NRG3: variants seen among roughly 807,000 people sequenced by gnomAD.
NRG3 encodes the protein pro-neuregulin-3, membrane-bound isoform.
NRG3 carries 31 observed loss-of-function variants against 66.9 expected under a neutral mutation model. The observed-to-expected ratio is 0.46, with a 90% CI of 0.35 to 0.63. The LOEUF (loss-of-function observed/expected upper bound fraction) is 0.63. Among genes scored for constraint, NRG3 ranks in the 20% least tolerant of loss-of-function variants. The probability of loss-of-function intolerance (pLI) is 0.00; values close to 1 mark genes in which losing one functional copy is unlikely to be tolerated. For missense variants in NRG3, 910 were observed against 878.9 expected (o/e 1.04, Z -0.45); for synonymous variants, 393 against 359.4 (o/e 1.09, Z -1.06).
intron 1 of NRG3, among the ~76,000 whole-genome samples, chr10:82,085,931 C>T (rs1439637104): frequency 6.6e-6 from 1 of 152,128 alleles, no homozygotes; most frequent in African/African-American, 2.4e-5. Context: ...AGCCACCGCT[C>T]CTGACCATCC....
intron 4 of NRG3, among the ~76,000 whole-genome samples, chr10:82,884,274 A>G (rs1842546957): frequency 6.6e-6 from 1 of 152,136 alleles, no homozygotes; most frequent in East Asian, 1.9e-4. Flanking sequence ...AGCAACTTCT[A>G]CTTATATATT....
intron 2 of NRG3, among the ~76,000 whole-genome samples, chr10:82,499,842 C>T (rs1406073004): frequency 6.6e-6 from 1 of 152,090 alleles, no homozygotes; most frequent in East Asian, 1.9e-4. Context: ...AATTCTCACT[C>T]CACGGTGTAC....
At chr10:82,685,405 C>A (rs76651573) in intron 2 of NRG3, among the ~76,000 whole-genome samples, 14 of 152,128 alleles carry the variant, frequency 9.2e-5, no homozygotes, top group Admixed American at 3.9e-4. Context: ...TCAGTAAAAA[C>A]GAACTAAGTA....
intron 4 of NRG3, among the ~76,000 whole-genome samples, chr10:82,910,255 A>C (rs536128481): frequency 3.3e-5 from 5 of 152,246 alleles, no homozygotes; most frequent in Non-Finnish European, 2.9e-5. Flanking sequence ...TGCCAATGTC[A>C]TCACTGCTGA....
intron 2 of NRG3, among the ~76,000 whole-genome samples, chr10:82,495,642 C>T (rs1843557892): frequency 6.6e-6 from 1 of 152,082 alleles, no homozygotes; most frequent in Non-Finnish European, 1.5e-5. Flanking sequence ...AAAGGGTCTT[C>T]TTTACAAAAT....
intron 1 of NRG3, among the ~76,000 whole-genome samples, chr10:82,238,272 T>C (rs2076847717): frequency 6.6e-6 from 1 of 151,978 alleles, no homozygotes; most frequent in African/African-American, 2.4e-5. Flanking sequence ...TCAATAAGTA[T>C]AGCAATCCTA....
chr10:82,293,519 G>A (rs1276877039), intron 1 of NRG3, among the ~76,000 whole-genome samples: 1 of 152,038 alleles, frequency 6.6e-6, no homozygotes, highest in East Asian at 1.9e-4. Flanking sequence ...TTTCTCTGAG[G>A]CATTAAATTT....
chr10:82,670,070 A>T (rs2053142797), intron 2 of NRG3, among the ~76,000 whole-genome samples: 1 of 152,192 alleles, frequency 6.6e-6, no homozygotes, highest in African/African-American at 2.4e-5. Flanking sequence ...AAAATTAATA[A>T]CTTTATTTCT....
At chr10:82,821,165 G>A (rs531904589) in intron 3 of NRG3, among the ~76,000 whole-genome samples, 2 of 152,214 alleles carry the variant, frequency 1.3e-5, no homozygotes, top group East Asian at 3.9e-4. Context: ...CTGAGCAAAG[G>A]CAACCTAGAG....
intron 1 of NRG3, among the ~76,000 whole-genome samples, chr10:82,258,919 C>T (rs2077876567): frequency 6.6e-6 from 1 of 152,088 alleles, no homozygotes; most frequent in African/African-American, 2.4e-5. Flanking sequence ...ACTTGGAACT[C>T]GGGAAATTAG....
At chr10:82,888,252 G>C (rs1842876178) in intron 4 of NRG3, among the ~76,000 whole-genome samples, 1 of 151,950 alleles carries the variant, frequency 6.6e-6, no homozygotes, top group Non-Finnish European at 1.5e-5. Flanking sequence ...GATATTAAGA[G>C]GTGTTTTGTA....
intron 2 of NRG3, among the ~76,000 whole-genome samples, chr10:82,722,313 C>G (rs539354453): frequency 6.6e-6 from 1 of 152,234 alleles, no homozygotes; most frequent in Non-Finnish European, 1.5e-5. Flanking sequence ...GCACTTGCAT[C>G]TATCTGCTTT....
At chr10:81,881,094 C>T (rs892574367) in intron 1 of NRG3, among the ~76,000 whole-genome samples, 1 of 151,896 alleles carries the variant, frequency 6.6e-6, no homozygotes, top group African/African-American at 2.4e-5. Context: ...CACTCTTCCC[C>T]TAAGACTTCC....
intron 4 of NRG3, among the ~76,000 whole-genome samples, chr10:82,888,576 C>G (rs1842903759): frequency 6.6e-6 from 1 of 152,058 alleles, no homozygotes; most frequent in South Asian, 2.1e-4. Flanking sequence ...TACTTATTAA[C>G]AAAAGCGTAT....
chr10:82,371,070 T>G (rs527544895), intron 2 of NRG3, among the ~76,000 whole-genome samples: 1 of 152,190 alleles, frequency 6.6e-6, no homozygotes, highest in African/African-American at 2.4e-5. Context: ...CAAAAGTTCC[T>G]TCTTGTCAAT....
intron 2 of NRG3, among the ~76,000 whole-genome samples, chr10:82,575,691 T>C (rs1387834107): frequency 6.6e-6 from 1 of 151,768 alleles, no homozygotes; most frequent in Non-Finnish European, 1.5e-5. Flanking sequence ...ATATTAGCAT[T>C]TCCTATGGGG....
rs567539964 is a variant in NRG3, at chr10:82,469,172, A to G, written c.953+110304A>G. 3.9e-5 allele frequency among the ~76,000 whole-genome samples: 6 copies of G among 152,260 alleles called. No homozygotes were observed. In the South Asian group the frequency reaches 1.0e-3, roughly 26 times the overall value. On this transcript the variant is annotated intron_variant, in intron 2 of 8. Transcript: ENST00000372141. ...AAATGGTTCTTAAGTGAAAAGACAC[A>G]TGTTTATTGCCTCCTTCATTCTTTC...
At chr10:82,370,862 A>C (rs1007465467) in intron 2 of NRG3, among the ~76,000 whole-genome samples, 1 of 152,070 alleles carries the variant, frequency 6.6e-6, no homozygotes, top group Admixed American at 6.6e-5. Context: ...AAATATGTTT[A>C]TTTTTTTAAT....
intron 3 of NRG3, among the ~76,000 whole-genome samples, chr10:82,838,391 G>A (rs2062883180): frequency 6.6e-6 from 1 of 152,114 alleles, no homozygotes; most frequent in Admixed American, 6.6e-5. Context: ...GATGACATTT[G>A]AAAATAACAT....
Sources: gnomAD v4.1 joint callset for allele counts (sites outside exome capture counted in the v4.1 genomes callset) on GRCh38, gnomAD v4.1.1 for gene constraint, MANE v1.5 for transcripts, NCBI Gene and HGNC (gene_info 2026-07-23, HGNC 2026-07-21) for gene names.